The following GNAS variants were observed in gnomAD, a reference collection of about 807,000 sequenced individuals.
GNAS encodes the protein protein ALEX.
A neutral mutation model predicts 54.5 loss-of-function variants in GNAS; 8 were observed. The observed-to-expected ratio is 0.15, with a 90% CI of 0.09 to 0.26. GNAS has a LOEUF of 0.26. Among genes scored for constraint, GNAS ranks in the 10% least tolerant of loss-of-function variants. GNAS has a pLI of 1.00. For synonymous variants in GNAS, 204 were observed against 191.4 expected (o/e 1.07, Z -0.54); for missense variants, 170 against 529.8 (o/e 0.32, Z 6.67).
intron 1 of GNAS, chr20:58,892,125 C>A: frequency 1.0e-6 from 1 of 962,480 alleles, no homozygotes; most frequent in Non-Finnish European, 1.2e-6. Context: ...CGCTCAGTGT[C>A]TCTCTCTTGC....
In GNAS at chr20:58,891,547, G is replaced by T. The variant is rs2089312517; in HGVS notation, c.-180G>T. The T allele has an allele frequency of 2.1e-6, 2 of 972,022 alleles. No homozygotes were observed. Among genetic ancestry groups the T allele is most frequent in the South Asian group, 4.6e-5 (1 of 21,596 alleles). 60.2% of individuals were successfully genotyped at this position (972,022 alleles called of 1,614,324 possible). ...GTCCGACCGACACCCTCCCCTTCCC[G>T]CCCGTCCGCGCGCCCCGCGGCCCGC... On this transcript the variant is annotated 5_prime_UTR_variant, in exon 1 of 13. Coordinates refer to ENST00000371085, the MANE Select transcript of GNAS (RefSeq NM_000516.7).
At position 58,878,464 on chromosome 20, in the gene GNAS, A is replaced by C. The variant is rs73307939; in HGVS notation, c.44-17148A>C. Among the ~76,000 whole-genome samples, 454 of 152,344 alleles carry C rather than the reference A, an allele frequency of 3.0e-3. 6 individuals are homozygous for C. The highest frequency in any genetic ancestry group is 0.01 in the African/African-American group (428 of 41,568). ...GGACATTTACAAGTAAAACAACTTT[A>C]CTTCTTACATTTAGCAAGAGGTTTA... On this transcript the variant is annotated intron_variant, in intron 1 of 12. Coordinates refer to the GNAS transcript ENST00000306090.
chr20:58,865,112 G>A (rs913989348), intron 1 of GNAS, among the ~76,000 whole-genome samples: 2 of 151,978 alleles, frequency 1.3e-5, no homozygotes, highest in African/African-American at 4.8e-5. Context: ...TGTAACTTGC[G>A]TATCTTAAAA....
chr20:58,876,669 C>G (rs994812634), intron 1 of GNAS: 12 of 152,184 alleles, frequency 7.9e-5, no homozygotes, highest in African/African-American at 2.7e-4. Context: ...GCATGCTTTC[C>G]CTCTGAGCAT....
intron 1 of GNAS, among the ~76,000 whole-genome samples, chr20:58,878,081 T>C (rs1051484563): frequency 1.3e-5 from 2 of 152,236 alleles, no homozygotes; most frequent in African/African-American, 4.8e-5. Flanking sequence ...TTTCCTGGCA[T>C]GCAACAGGAA....
rs369201934 is a variant in GNAS at position 58,903,768 on chromosome 20, G to A, written c.409G>A (p.Val137Met). Residue 137 changes from valine to methionine, a missense_variant, in exon 5 of 13, where the codon GTG (valine) becomes ATG (methionine). By Grantham distance (21) the Val-to-Met change is conservative. Around this residue, in one of 3 missense-constraint regions of GNAS, gnomAD observed 78 missense variants for 251.1 expected, o/e 0.31. Coordinates refer to ENST00000371085, the MANE Select transcript of GNAS (RefSeq NM_000516.7). ...RVDYILSVMN[V>M]PDFDFPPEFY... is the part of the protein sequence containing the mutation. The stretch of plus-strand genomic sequence containing the variant: ...GGACTACATCCTGAGTGTGATGAAC[G>A]TGCCTGACTTTGACTTCCCTCCCGT... 1.9e-5 allele frequency: 31 copies of A among 1,613,752 alleles called. No homozygotes were observed. The highest frequency in any genetic ancestry group is 2.7e-5 in the African/African-American group (2 of 74,812).
intron 1 of GNAS, chr20:58,850,945 C>T (rs1457122509): frequency 1.3e-5 from 5 of 398,586 alleles, no homozygotes; most frequent in African/African-American, 2.1e-5. Context: ...CTGACGCCCC[C>T]TGCTCATTCG....
Position 58,909,068 on chromosome 20 carries a change from C to G in GNAS, c.531-94C>G, listed in dbSNP as rs1383586117. 9.5e-7 allele frequency: 1 copy of G among 1,049,452 alleles called. No individual in the cohort carries two copies. Among genetic ancestry groups the G allele is most frequent in the Non-Finnish European group, 1.5e-6 (1 of 665,612 alleles). The allele number at this position is 1,049,452 out of a possible 1,614,324, so 65.0% of individuals were successfully genotyped here. On this transcript the variant is annotated intron_variant, in intron 6 of 12. Coordinates refer to ENST00000371085, the MANE Select transcript of GNAS (RefSeq NM_000516.7). This position sits in a 1 kb window ranked among gnomAD's most constrained non-coding sequence, Gnocchi z 7.3. ...GTGCTGCATAACTGTGGGACGGTCA[C>G]TTCCGTTGAGCCTGACCTTGTAGAG...
upstream of GNAS, chr20:58,839,964 C>A: frequency 2.4e-6 from 2 of 829,288 alleles, no homozygotes; most frequent in Non-Finnish European, 3.8e-6. Flanking sequence ...TTTTTCTCCT[C>A]ACAAGGAGGT....
At chr20:58,896,778 A>C (rs540122510) in intron 2 of GNAS, among the ~76,000 whole-genome samples, 121 of 152,312 alleles carry the variant, frequency 7.9e-4, no homozygotes, top group Middle Eastern at 3.4e-3. Context: ...TCCCTTTCTT[A>C]AACTTGGATT....
chr20:58,884,002 C>A (rs193284340), intron 1 of GNAS, among the ~76,000 whole-genome samples: 69 of 152,330 alleles, frequency 4.5e-4, no homozygotes, highest in African/African-American at 1.5e-3. Flanking sequence ...AAATGTGTGA[C>A]TAATTATGTC....
intron 1 of GNAS, among the ~76,000 whole-genome samples, chr20:58,875,345 G>T (rs1309741959): frequency 6.6e-6 from 1 of 152,174 alleles, no homozygotes; most frequent in African/African-American, 2.4e-5. Flanking sequence ...GCTGGCAAAG[G>T]CTGATGAGGC....
chr20:58,891,415 G>GGCGGCAGCA (rs1283278026), upstream of GNAS: 22 of 331,500 alleles, frequency 6.6e-5, no homozygotes, highest in Non-Finnish European at 9.3e-5. Flanking sequence ...CGGCGGCAGC[G>GGCGGCAGCA]GCGGCAGCAG....
At chr20:58,902,725 C>CTGTTTTTTTTTT (rs1694567289) in intron 3 of GNAS, among the ~76,000 whole-genome samples, 1 of 69,488 alleles carries the variant, frequency 1.4e-5, no homozygotes, top group African/African-American at 6.7e-5. Flanking sequence ...GCACATACGA[C>CTGTTTTTTTTTT]TTTTTTTTTT....
intron 5 of GNAS, among the ~76,000 whole-genome samples, chr20:58,904,210 G>T (rs2090886449): frequency 6.6e-6 from 1 of 152,118 alleles, no homozygotes; most frequent in African/African-American, 2.4e-5. Context: ...AATACTAATT[G>T]TCCATTTACT....
intron 1 of GNAS, chr20:58,876,444 A>G (rs960470432): frequency 6.6e-6 from 1 of 152,030 alleles, no homozygotes; most frequent in Non-Finnish European, 1.5e-5. Flanking sequence ...AAAGTTCTGT[A>G]ATGGCTAACA....
chr20:58,862,287 A>C (rs2086821695), intron 1 of GNAS, among the ~76,000 whole-genome samples: 1 of 151,706 alleles, frequency 6.6e-6, no homozygotes. Context: ...CCTCCCCAGT[A>C]GCTGGGATTA....
At position 58,875,767 on chromosome 20, in the gene GNAS, T is replaced by C. The variant is rs532704929; in HGVS notation, c.44-19845T>C. Among the ~76,000 whole-genome samples the C allele has an allele frequency of 6.6e-5, 10 of 152,316 alleles. No individual in the cohort carries two copies. In the East Asian group the frequency reaches 1.7e-3, roughly 26 times the overall value. On this transcript the variant is annotated intron_variant, in intron 1 of 12. Coordinates refer to the GNAS transcript ENST00000306090. ...GACTCATTCCGGCTCCGGTCGATAA[T>C]GACAAGCCCCATGTTTTTCTCCAGC...
chr20:58,888,995 G>A (rs1242521233), upstream of GNAS: 4 of 907,096 alleles, frequency 4.4e-6, no homozygotes, highest in Non-Finnish European at 5.3e-6. Flanking sequence ...GCCCACGCCC[G>A]CGCGGTCCCG....
Sources: gnomAD v4.1 joint callset for allele counts (sites outside exome capture counted in the v4.1 genomes callset) on GRCh38, gnomAD v4.1.1 for gene constraint, gnomAD v4.1.1 regional missense constraint, Gnocchi (gnomAD v3.1) non-coding constraint, MANE v1.5 for transcripts, NCBI Gene and HGNC (gene_info 2026-07-23, HGNC 2026-07-21) for gene names.